ST3GAL3: variants seen among roughly 807,000 people sequenced by gnomAD.
ST3GAL3 encodes ST3 beta-galactoside alpha-2,3-sialyltransferase 3.
Under a neutral mutation model 50.1 loss-of-function variants are expected in ST3GAL3, and 21 were observed. The observed-to-expected ratio is 0.42, with a 90% CI of 0.30 to 0.60. ST3GAL3 has a LOEUF of 0.60. Among genes scored for constraint, ST3GAL3 ranks in the 20% least tolerant of loss-of-function variants. ST3GAL3 has a pLI of 0.19. For synonymous variants in ST3GAL3, 183 were observed against 190.0 expected, an observed-to-expected ratio of 0.96 and a Z score of 0.30; for missense variants, 353 against 489.4, an observed-to-expected ratio of 0.72 and a Z score of 2.63.
chr1:43,736,242 GA>G lies in ST3GAL3; in HGVS notation c.-18del. On this transcript the variant is annotated 5_prime_UTR_variant, in exon 2 of 12. Transcript: ENST00000347631. The stretch of plus-strand genomic sequence containing the variant: ...ACTTTTTCTTTTCTAGGTCATTTAG[GA>G]AATCGTAAATCATGTGAAGATGGGA... 1.9e-6 allele frequency: 3 copies of G among 1,614,118 alleles called. No homozygotes were observed. The highest frequency in any genetic ancestry group is 2.5e-6 in the Non-Finnish European group (3 of 1,179,994).
intron 1 of ST3GAL3, among the ~76,000 whole-genome samples, chr1:43,728,416 C>G (rs1230040803): frequency 2.6e-5 from 4 of 152,134 alleles, no homozygotes; most frequent in Non-Finnish European, 4.4e-5. Context: ...GATATGACCA[C>G]TGCCAGGGTC....
In ST3GAL3 at chr1:43,792,092, T is replaced by C; in HGVS notation, c.119-10T>C. ...GGAGAAAGAAATGAACTTGTCCTCT[T>C]GTGTTGCAGATTCAGTGGTTCTTTC... On this transcript the variant is annotated splice_polypyrimidine_tract_variant and intron_variant, in intron 2 of 11. Coordinates refer to ENST00000347631, the MANE Select transcript of ST3GAL3 (RefSeq NM_006279.5). The C allele has an allele frequency of 6.2e-7, 1 of 1,614,178 alleles. No individual in the cohort carries two copies. Among genetic ancestry groups the C allele is most frequent in the Non-Finnish European group, 8.5e-7 (1 of 1,180,016 alleles).
chr1:43,884,063 T>G (rs1421093405), intron 5 of ST3GAL3, among the ~76,000 whole-genome samples: 1 of 152,248 alleles, frequency 6.6e-6, no homozygotes, highest in African/African-American at 2.4e-5. Context: ...CACTAGCTTC[T>G]TGAGGAAAGG....
At chr1:43,784,636 G>C (rs180962471) in intron 2 of ST3GAL3, among the ~76,000 whole-genome samples, 1 of 152,314 alleles carries the variant, frequency 6.6e-6, no homozygotes, top group Admixed American at 6.5e-5. Flanking sequence ...CAGATACCAT[G>C]TCTGATCTTT....
chr1:43,857,493 TTCCTTCCCTC>T (rs2068656318), intron 5 of ST3GAL3, among the ~76,000 whole-genome samples: 1 of 148,208 alleles, frequency 6.7e-6, no homozygotes, highest in South Asian at 2.2e-4. Flanking sequence ...CCTTCCTTCC[TTCCTTCCCTC>T]TTCCTTCCTT....
intron 5 of ST3GAL3, among the ~76,000 whole-genome samples, chr1:43,847,742 G>A (rs1273724065): frequency 6.6e-6 from 1 of 152,146 alleles, no homozygotes; most frequent in African/African-American, 2.4e-5. Flanking sequence ...TAATACTACT[G>A]AATTGTACAC....
At chr1:43,888,753 A>T (rs1179178581) in intron 5 of ST3GAL3, among the ~76,000 whole-genome samples, 1 of 152,168 alleles carries the variant, frequency 6.6e-6, no homozygotes, top group Admixed American at 6.5e-5. Flanking sequence ...ACAAAATCTA[A>T]ATGTTTGACA....
rs148364295 is a variant in ST3GAL3, at chr1:43,719,934, GAAAAAAAAA to G, written c.-31+12262_-31+12270del. Among the ~76,000 whole-genome samples the G allele has an allele frequency of 2.2e-3, 92 of 41,730 alleles. No homozygotes were observed. The Middle Eastern group carries it at 0.08, about 36-fold the overall frequency. 27.4% of individuals were successfully genotyped at this position (41,730 alleles called of 152,430 possible). On this transcript the variant is annotated intron_variant, in intron 1 of 11. Coordinates refer to ENST00000347631, the MANE Select transcript of ST3GAL3 (RefSeq NM_006279.5). ...AGCAACAGAGCAAGACTCTGTCTCA[GAAAAAAAAA>G]AAAAAAAAAAAAAAAAAAAAGAATA...
chr1:43,905,504 G>C (rs1272693957), intron 9 of ST3GAL3, among the ~76,000 whole-genome samples: 57 of 38,202 alleles, frequency 1.5e-3, no homozygotes, highest in Admixed American at 2.9e-3. Context: ...CTTCCTCTCC[G>C]TCCTCCTGTT....
chr1:43,894,566 C>T (rs2077105396), intron 6 of ST3GAL3, 89 bp downstream of exon 6: 1 of 1,169,184 alleles, frequency 8.6e-7, no homozygotes. Context: ...CAGAAGTCCC[C>T]ATGCTGAGAA....
chr1:43,917,356 T>TGAG (rs997299477), intron 9 of ST3GAL3, among the ~76,000 whole-genome samples: 2 of 143,782 alleles, frequency 1.4e-5, no homozygotes, highest in African/African-American at 2.6e-5. Context: ...TGATTCTTCA[T>TGAG]GAGTTTTTAA....
At chr1:43,709,493 C>A (rs1173501556) in intron 1 of ST3GAL3, 2 of 151,900 alleles carry the variant, frequency 1.3e-5, no homozygotes, top group Admixed American at 1.3e-4. Flanking sequence ...AGGCGATCCT[C>A]CCACCTCAGC....
chr1:43,720,085 A>G (rs1014530969), intron 1 of ST3GAL3, among the ~76,000 whole-genome samples: 6 of 152,094 alleles, frequency 3.9e-5, no homozygotes, highest in Non-Finnish European at 8.8e-5. Flanking sequence ...TTTACAAAAA[A>G]TAGAATAATT....
At chr1:43,715,998 C>T (rs1212128027) in intron 1 of ST3GAL3, among the ~76,000 whole-genome samples, 2 of 152,206 alleles carry the variant, frequency 1.3e-5, no homozygotes, top group Non-Finnish European at 2.9e-5. Flanking sequence ...CCTTGGACTA[C>T]ACTTTGAGAA....
At chr1:43,750,644 C>T (rs1046294051) in intron 2 of ST3GAL3, among the ~76,000 whole-genome samples, 3 of 151,946 alleles carry the variant, frequency 2.0e-5, no homozygotes, top group African/African-American at 7.3e-5. Flanking sequence ...AATCCCAGTA[C>T]ATTCAGAGGC....
rs11810146 is a variant in ST3GAL3 at position 43,853,597 on chromosome 1, G to A, written c.302+15286G>A. Among the ~76,000 whole-genome samples the A allele has an allele frequency of 1.6e-3, 248 of 152,346 alleles. 1 individual carries two copies. The highest frequency in any genetic ancestry group is 5.6e-3 in the African/African-American group (231 of 41,576). ...GTGGCCAAGGTACCGAGGTCTACCA[G>A]ATGCCTGGTGGTAGCTAATGAGGTG... On this transcript the variant is annotated intron_variant, in intron 5 of 11. Transcript: ENST00000347631.
intron 5 of ST3GAL3, among the ~76,000 whole-genome samples, chr1:43,870,840 G>A (rs1236118264): frequency 6.6e-6 from 1 of 152,122 alleles, no homozygotes; most frequent in Non-Finnish European, 1.5e-5. Context: ...GAAAGGAGAA[G>A]AGGCTGGTAC....
intron 2 of ST3GAL3, among the ~76,000 whole-genome samples, chr1:43,791,421 TTGAATGAA>T (rs578007343): frequency 4.7e-5 from 5 of 107,186 alleles, no homozygotes; most frequent in South Asian, 3.1e-4. Context: ...GGACATTTGA[TTGAATGAA>T]TGAATGAATG....
chr1:43,908,120 A>G (rs982189843), intron 9 of ST3GAL3, among the ~76,000 whole-genome samples: 4 of 152,134 alleles, frequency 2.6e-5, no homozygotes, highest in African/African-American at 9.7e-5. Flanking sequence ...CATGGCCAAA[A>G]ACCCGGGAAG....
Sources: gnomAD v4.1 joint callset for allele counts (sites outside exome capture counted in the v4.1 genomes callset) on GRCh38, gnomAD v4.1.1 for gene constraint, MANE v1.5 for transcripts, NCBI Gene and HGNC (gene_info 2026-07-23, HGNC 2026-07-21) for gene names.